The following HHAT variants were observed in gnomAD, a reference collection of about 807,000 sequenced individuals.
HHAT encodes the protein protein-cysteine N-palmitoyltransferase HHAT.
HHAT carries 47 observed loss-of-function variants against 70.8 expected under a neutral mutation model. That is an observed-to-expected ratio of 0.66 (90% CI 0.53 to 0.85). The LOEUF (loss-of-function observed/expected upper bound fraction) is 0.85, where lower values mean the gene tolerates loss of function less well. HHAT is among the 40% of genes least tolerant of loss of function. The pLI, the probability that HHAT is intolerant of heterozygous loss-of-function variation, is 0.00. For missense variants in HHAT, 609 were observed against 604.8 expected (o/e 1.01, Z -0.07); for synonymous variants, 228 against 247.6 (o/e 0.92, Z 0.74).
rs77933934 is a variant in HHAT at position 210,432,922 on chromosome 1, G to T, written c.856+14597G>T. Among the ~76,000 whole-genome samples, 67 of 151,834 alleles carry T rather than the reference G, an allele frequency of 4.4e-4. No individual in the cohort carries two copies. The East Asian group carries it at 9.7e-3, about 22-fold the overall frequency. On this transcript the variant is annotated intron_variant, in intron 7 of 11. Transcript: ENST00000261458. ...TGGTGGCAGCCTCTGATTTCCTTCT[G>T]AACTAATACAGAGATACTGTAATTT...
At chr1:210,410,523 A>AT (rs35608235) in intron 6 of HHAT, among the ~76,000 whole-genome samples, 3,855 of 116,320 alleles carry the variant, frequency 0.033, 329 homozygotes, top group African/African-American at 0.13. Flanking sequence ...TTATTTGTAA[A>AT]TTTTTTTTTT....
In HHAT at chr1:210,464,632, G is replaced by A. The variant is rs369156629; in HGVS notation, c.984G>A (p.Met328Ile). 7 of 1,614,066 alleles carry A rather than the reference G, an allele frequency of 4.3e-6. No individual in the cohort carries two copies. Among genetic ancestry groups the A allele is most frequent in the Non-Finnish European group, 5.1e-6 (6 of 1,180,012 alleles). Residue 328 changes from methionine to isoleucine, a missense_variant, in exon 8 of 12, where the codon ATG becomes ATA. By Grantham distance (10) the Met-to-Ile change is conservative (BLOSUM62 1). Coordinates refer to ENST00000261458, the MANE Select transcript of HHAT (RefSeq NM_018194.6). ...PPALPRCVST[M>I]FSFTGMWRYF... The stretch of plus-strand genomic sequence containing the variant: ...CCCTCCCCCGCTGCGTGAGCACCAT[G>A]TTCAGTTTCACCGGGATGTGGAGGT...
intron 3 of HHAT, among the ~76,000 whole-genome samples, chr1:210,372,651 A>G (rs1028054272): frequency 3.9e-5 from 6 of 152,202 alleles, no homozygotes; most frequent in Admixed American, 2.0e-4. Context: ...GGCTGGTGCA[A>G]TTCTATTCTG....
intron 11 of HHAT, among the ~76,000 whole-genome samples, chr1:210,647,593 C>T (rs1674329116): frequency 6.6e-6 from 1 of 152,162 alleles, no homozygotes; most frequent in Non-Finnish European, 1.5e-5. Context: ...AACCTGTCCA[C>T]TCCTTTTCTA....
intron 2 of HHAT, among the ~76,000 whole-genome samples, chr1:210,362,354 C>T (rs1442675555): frequency 6.6e-6 from 1 of 151,844 alleles, no homozygotes; most frequent in Non-Finnish European, 1.5e-5. Context: ...AAGCAATTCT[C>T]CTGCCTCATT....
chr1:210,462,012 T>C (rs1276528670), intron 7 of HHAT, among the ~76,000 whole-genome samples: 3 of 152,224 alleles, frequency 2.0e-5, no homozygotes, highest in Non-Finnish European at 2.9e-5. Flanking sequence ...CCCAGTTCTG[T>C]ATGAAAGTAC....
chr1:210,622,856 A>G (rs1365923245), intron 10 of HHAT, among the ~76,000 whole-genome samples: 1 of 152,214 alleles, frequency 6.6e-6, no homozygotes, highest in Non-Finnish European at 1.5e-5. Context: ...GGAGCTATAT[A>G]TACTAGTTAT....
intron 8 of HHAT, among the ~76,000 whole-genome samples, chr1:210,507,472 T>C (rs1420872832): frequency 1.3e-5 from 2 of 150,248 alleles, no homozygotes; most frequent in Admixed American, 1.3e-4. Flanking sequence ...GTGATTCTCC[T>C]GCCTCAGCCT....
At chr1:210,425,056 T>C (rs2093020765) in intron 7 of HHAT, among the ~76,000 whole-genome samples, 1 of 152,240 alleles carries the variant, frequency 6.6e-6, no homozygotes, top group Admixed American at 6.5e-5. Flanking sequence ...TGGTATGAGA[T>C]AGGATCTCAT....
In HHAT at chr1:210,557,603, C is replaced by T. The variant is rs375408084; in HGVS notation, c.1044-30295C>T. On this transcript the variant is annotated intron_variant, in intron 9 of 11. Transcript: ENST00000261458. The stretch of plus-strand genomic sequence containing the variant: ...GGTTGAGGAGGCCTCAGAATCATGG[C>T]GGGTGGTGAAAGGCACTTCTTACAT... Among the ~76,000 whole-genome samples the T allele has an allele frequency of 2.0e-5, 3 of 152,178 alleles. No homozygotes were observed. The East Asian group carries it at 5.8e-4, about 29-fold the overall frequency.
At chr1:210,645,498 T>A (rs1673856944) in intron 11 of HHAT, among the ~76,000 whole-genome samples, 1 of 152,222 alleles carries the variant, frequency 6.6e-6, no homozygotes, top group Non-Finnish European at 1.5e-5. Flanking sequence ...CAGGAAGGTA[T>A]AATTTTTATA....
At chr1:210,593,886 T>A (rs1240952276) in intron 10 of HHAT, among the ~76,000 whole-genome samples, 1 of 152,204 alleles carries the variant, frequency 6.6e-6, no homozygotes, top group Non-Finnish European at 1.5e-5. Context: ...ATCTTCTTGC[T>A]GAATTGATCC....
At chr1:210,446,495 G>T (rs530689280) in intron 7 of HHAT, among the ~76,000 whole-genome samples, 1 of 152,212 alleles carries the variant, frequency 6.6e-6, no homozygotes, top group East Asian at 1.9e-4. Flanking sequence ...TGTTTCTGCA[G>T]TTGTGTGCTG....
intron 7 of HHAT, among the ~76,000 whole-genome samples, chr1:210,454,070 A>G (rs1245046124): frequency 6.6e-6 from 1 of 152,180 alleles, no homozygotes; most frequent in Non-Finnish European, 1.5e-5. Context: ...GAGACTTACT[A>G]TCACGAGAAT....
At chr1:210,597,809 G>A (rs1037869118) in intron 10 of HHAT, among the ~76,000 whole-genome samples, 3 of 151,804 alleles carry the variant, frequency 2.0e-5, no homozygotes, top group Non-Finnish European at 4.4e-5. Context: ...AGCCTACTCG[G>A]TGCTCTACTC....
chr1:210,651,365 G>C (rs778077125), intron 11 of HHAT, among the ~76,000 whole-genome samples: 1 of 152,200 alleles, frequency 6.6e-6, no homozygotes, highest in Non-Finnish European at 1.5e-5. Flanking sequence ...GTATTAGAAA[G>C]CTGAAAGAGC....
At chr1:210,467,996 C>T (rs770363003) in intron 8 of HHAT, among the ~76,000 whole-genome samples, 2 of 152,102 alleles carry the variant, frequency 1.3e-5, no homozygotes, top group African/African-American at 4.8e-5. Context: ...TGAAAAATTG[C>T]AATTCACCAA....
chr1:210,545,005 G>C (rs1190332867), intron 9 of HHAT, among the ~76,000 whole-genome samples: 2 of 151,710 alleles, frequency 1.3e-5, no homozygotes, highest in Non-Finnish European at 2.9e-5. Context: ...GGCAACTGAA[G>C]TAGTTTCCCA....
At chr1:210,346,201 C>G (rs1571757743) in intron 1 of HHAT, among the ~76,000 whole-genome samples, 1 of 152,158 alleles carries the variant, frequency 6.6e-6, no homozygotes, top group African/African-American at 2.4e-5. Flanking sequence ...TAATGGCAGG[C>G]CTTCTAAAAC....
Sources: gnomAD v4.1 joint callset for allele counts (sites outside exome capture counted in the v4.1 genomes callset) on GRCh38, gnomAD v4.1.1 for gene constraint, MANE v1.5 for transcripts, NCBI Gene and HGNC (gene_info 2026-07-23, HGNC 2026-07-21) for gene names.